Variants in FAM110B observed in about 807,000 individuals in gnomAD.
FAM110B encodes the protein family with sequence similarity 110 member B, also known as protein FAM110B.
FAM110B carries 6 observed loss-of-function variants against 20.4 expected under a neutral mutation model. That is an observed-to-expected ratio of 0.29 (90% confidence interval 0.16 to 0.58). FAM110B has a LOEUF of 0.58. Among genes scored for constraint, FAM110B ranks in the 20% least tolerant of loss-of-function variants. FAM110B has a pLI of 0.90. For synonymous variants in FAM110B, 226 were observed against 214.1 expected, an observed-to-expected ratio of 1.06 and a Z score of -0.49; for missense variants, 434 against 498.2, an observed-to-expected ratio of 0.87 and a Z score of 1.23.
At chr8:58,002,041 A>G (rs1213358840) in intron 1 of FAM110B, among the ~76,000 whole-genome samples, 2 of 152,100 alleles carry the variant, frequency 1.3e-5, no homozygotes, top group Non-Finnish European at 2.9e-5. Flanking sequence ...AGAAAGAGAG[A>G]GACAGAGAGA....
intron 2 of FAM110B, 53 bp from the exon 3 acceptor site, chr8:58,075,482 T>G (rs1278657659): frequency 6.6e-6 from 1 of 152,172 alleles, no homozygotes; most frequent in Non-Finnish European, 1.5e-5. Flanking sequence ...ATAGCTTGCC[T>G]ATTTTTATCA....
chr8:58,132,383 G>C (rs1484534763), intron 3 of FAM110B, among the ~76,000 whole-genome samples: 1 of 150,938 alleles, frequency 6.6e-6, no homozygotes, highest in Non-Finnish European at 1.5e-5. Context: ...GTGGTGAGGG[G>C]GGCGCTGGCC....
At chr8:58,034,279 T>C (rs1805031623) in intron 2 of FAM110B, among the ~76,000 whole-genome samples, 1 of 152,222 alleles carries the variant, frequency 6.6e-6, no homozygotes, top group African/African-American at 2.4e-5. Flanking sequence ...TTGCCAGCTT[T>C]GAAGCAAGGC....
chr8:58,146,979 T>G lies in FAM110B; in HGVS notation c.749T>G (p.Val250Gly). 2 of 1,614,050 alleles carry G rather than the reference T, an allele frequency of 1.2e-6. No homozygotes were observed. Among genetic ancestry groups the G allele is most frequent in the Non-Finnish European group, 1.7e-6 (2 of 1,180,006 alleles). The change falls in exon 4 of 4, where the codon GTC becomes GGC. Residue 250 changes from valine (V) to glycine (G), a missense_variant. By Grantham distance (109) the Val-to-Gly change is moderately radical (BLOSUM62 -3). Coordinates refer to ENST00000519262, the MANE Select transcript of FAM110B (RefSeq NM_001377989.1). ...EADPVEPACG[V>G]SRRPSLQRSK... ...GACCCTGTGGAACCAGCTTGTGGAGTCAGCCGAAGACCCTCCCTCCAGCGG... is the reference window on the plus strand; with the variant it reads ...GACCCTGTGGAACCAGCTTGTGGAGGCAGCCGAAGACCCTCCCTCCAGCGG...
chr8:58,090,627 C>T (rs1277160340), intron 3 of FAM110B, among the ~76,000 whole-genome samples: 3 of 152,146 alleles, frequency 2.0e-5, no homozygotes, highest in African/African-American at 7.2e-5. Context: ...CTCAGATTTT[C>T]AACTGCATGG....
chr8:58,114,702 G>C (rs1807155046), intron 3 of FAM110B, among the ~76,000 whole-genome samples: 1 of 152,202 alleles, frequency 6.6e-6, no homozygotes, highest in African/African-American at 2.4e-5. Flanking sequence ...CTATCAATGT[G>C]AGCGCTAGGC....
chr8:58,105,924 T>C (rs926649698), intron 3 of FAM110B, among the ~76,000 whole-genome samples: 1 of 152,174 alleles, frequency 6.6e-6, no homozygotes, highest in Non-Finnish European at 1.5e-5. Flanking sequence ...TTTTTAGTTT[T>C]CCTATATTCA....
intron 1 of FAM110B, among the ~76,000 whole-genome samples, chr8:58,005,153 C>T (rs1160612618): frequency 1.3e-5 from 2 of 152,154 alleles, no homozygotes; most frequent in Non-Finnish European, 2.9e-5. Flanking sequence ...TTCACTTTAA[C>T]ACTTAGAGGC....
chr8:57,995,988 G>T (rs1355222043), intron 1 of FAM110B, among the ~76,000 whole-genome samples: 1 of 151,990 alleles, frequency 6.6e-6, no homozygotes, highest in Non-Finnish European at 1.5e-5. Context: ...TGGTGAAGAA[G>T]GTATTTATTA....
chr8:58,018,716 G>A (rs984267382), intron 1 of FAM110B, among the ~76,000 whole-genome samples: 1 of 151,586 alleles, frequency 6.6e-6, no homozygotes, highest in African/African-American at 2.4e-5. Flanking sequence ...CCTCACTTTG[G>A]CTTAATCTAG....
chr8:58,075,271 T>TGTGTGTGTGTGTGTGTG (rs1554521060), intron 2 of FAM110B, among the ~76,000 whole-genome samples: 126 of 134,772 alleles, frequency 9.3e-4, no homozygotes, highest in African/African-American at 4.2e-3. Context: ...GCTTTTTTTT[T>TGTGTGTGTGTGTGTGTG]TTTTTGTGTG....
chr8:58,001,917 G>T (rs965771363), intron 1 of FAM110B, among the ~76,000 whole-genome samples: 2 of 152,162 alleles, frequency 1.3e-5, no homozygotes, highest in African/African-American at 4.8e-5. Context: ...AGGCTGAGAA[G>T]TCCCATGATC....
intron 1 of FAM110B, among the ~76,000 whole-genome samples, chr8:58,028,371 G>A (rs1435418689): frequency 6.6e-6 from 1 of 152,210 alleles, no homozygotes; most frequent in Non-Finnish European, 1.5e-5. Context: ...CTCCCAAAGT[G>A]CTTGGATTAC....
At chr8:58,071,197 T>C (rs1005296177) in intron 2 of FAM110B, among the ~76,000 whole-genome samples, 13 of 152,222 alleles carry the variant, frequency 8.5e-5, no homozygotes, top group Admixed American at 7.9e-4. Context: ...GAAAAATATT[T>C]AAATGGGCAA....
chr8:58,098,079 A>C (rs971214861), intron 3 of FAM110B, among the ~76,000 whole-genome samples: 2 of 152,190 alleles, frequency 1.3e-5, no homozygotes, highest in South Asian at 4.1e-4. Flanking sequence ...CTGTGCGGGG[A>C]GATCCACTGC....
At chr8:58,076,048 C>T (rs939926200) in intron 3 of FAM110B, among the ~76,000 whole-genome samples, 1 of 152,124 alleles carries the variant, frequency 6.6e-6, no homozygotes, top group African/African-American at 2.4e-5. Context: ...GCCTTGAACT[C>T]CTGGGGTCAA....
chr8:58,100,461 T>A (rs1806750146), intron 3 of FAM110B, among the ~76,000 whole-genome samples: 1 of 152,240 alleles, frequency 6.6e-6, no homozygotes, highest in Non-Finnish European at 1.5e-5. Context: ...AGAAATGTTT[T>A]GTCTCACAGC....
intron 2 of FAM110B, among the ~76,000 whole-genome samples, chr8:58,043,546 A>G (rs536332800): frequency 6.6e-6 from 1 of 152,202 alleles, no homozygotes; most frequent in African/African-American, 2.4e-5. Flanking sequence ...ACATATGTAA[A>G]CATGTGCCAT....
intron 2 of FAM110B, among the ~76,000 whole-genome samples, chr8:58,045,481 C>T (rs952905910): frequency 2.0e-5 from 3 of 152,142 alleles, no homozygotes; most frequent in African/African-American, 7.2e-5. Flanking sequence ...AGGCATAGGT[C>T]TGTTTCTGTG....
Sources: allele counts gnomAD v4.1 joint callset (sites outside exome capture counted in the v4.1 genomes callset), GRCh38; gene constraint gnomAD v4.1.1; transcripts MANE v1.5; gene names NCBI Gene and HGNC (gene_info 2026-07-23, HGNC 2026-07-21).